ADA2: variants seen among roughly 807,000 people sequenced by gnomAD.
ADA2 encodes adenosine deaminase CECR1.
Under a neutral mutation model 44.2 loss-of-function variants are expected in ADA2, and 29 were observed. The ratio of observed to expected loss-of-function variants is 0.66; its 90% CI spans 0.49 to 0.89. The LOEUF is 0.89. Ranked by LOEUF, ADA2 falls within the 40% of genes least tolerant of loss-of-function variation. The probability of loss-of-function intolerance (pLI) is 0.00; values close to 1 mark genes in which losing one functional copy is unlikely to be tolerated. For missense variants in ADA2, 637 were observed against 644.8 expected (o/e 0.99, Z 0.13); for synonymous variants, 215 against 234.9 (o/e 0.92, Z 0.77).
intron 7 of ADA2, among the ~76,000 whole-genome samples, chr22:17,183,959 T>TTTTTC (rs2062005261): frequency 8.1e-6 from 1 of 124,012 alleles, no homozygotes; most frequent in African/African-American, 3.1e-5. Flanking sequence ...ACCTTTCTTT[T>TTTTTC]TTTTTTTTTT....
At chr22:17,214,004 A>C (rs2062444830) in intron 1 of ADA2, 4 of 360,174 alleles carry the variant, frequency 1.1e-5, no homozygotes, top group Non-Finnish European at 2.1e-5. Context: ...GTTCCATTGC[A>C]CTCCAGCCTG....
intron 1 of ADA2, among the ~76,000 whole-genome samples, chr22:17,216,928 G>A (rs975299058): frequency 6.6e-6 from 1 of 151,734 alleles, no homozygotes; most frequent in African/African-American, 2.4e-5. Flanking sequence ...ACAGAGATAA[G>A]GAACTGAGAG....
rs2061978373 is a variant in ADA2, at chr22:17,182,141, G to A, written c.1240-119C>T. The A allele has an allele frequency of 6.7e-6, 5 of 751,398 alleles. No individual in the cohort carries two copies. In the South Asian group the frequency reaches 8.9e-5, roughly 13 times the overall value. The allele number at this position is 751,398 out of a possible 1,614,324, so 46.5% of individuals were successfully genotyped here. On this transcript the variant is annotated intron_variant, in intron 8 of 9. Transcript: ENST00000399837. The stretch of plus-strand genomic sequence containing the variant: ...TCATCTTCCCATCACTATCTCCCCA[G>A]TATGGGGATGACTTCTGGGCAGAGT...
Position 17,181,982 on chromosome 22 carries a change from G to C in ADA2, c.1280C>G (p.Ala427Gly), listed in dbSNP as rs1357805949. Reference protein sequence around the residue: ...LVSDLRNHPVATLMATGHPMV... With the variant: ...LVSDLRNHPVGTLMATGHPMV... ...GGGGTGCCCAGTGGCCATCAGAGTG[G>C]CTACAGGGTGGTTCCTCAAGTCAGA... is the stretch of plus-strand genomic sequence containing the variant. The change falls in exon 9 of 10, where the codon GCC (alanine) becomes GGC (glycine). Residue 427 changes from alanine (A) to glycine (G), a missense_variant. Transcript: ENST00000399837. The C allele has an allele frequency of 1.9e-6, 3 of 1,613,996 alleles. No individual in the cohort carries two copies. The highest frequency in any genetic ancestry group is 3.3e-5 in the Admixed American group (2 of 59,972).
At chr22:17,203,851 C>T (rs2062321876) in intron 3 of ADA2, 78 bp from the exon 4 acceptor site, 1 of 868,506 alleles carries the variant, frequency 1.2e-6, no homozygotes, top group African/African-American at 1.7e-5. Flanking sequence ...GACTGCTACC[C>T]ACCTTGCATA....
rs185319348 is a variant in ADA2 at position 17,213,027 on chromosome 22, C to T, written c.-46-3304G>A. ...CTGGTCTCAAACTCCTGGGCTCAAG[C>T]GATCCTCCTGCCTCTACCTCCCGAC... On this transcript the variant is annotated intron_variant, in intron 1 of 9. Coordinates refer to ENST00000399837, the MANE Select transcript of ADA2 (RefSeq NM_001282225.2). 3.1e-3 allele frequency among the ~76,000 whole-genome samples: 467 copies of T among 150,674 alleles called. 2 individuals carry two copies. Among genetic ancestry groups the T allele is most frequent in the Non-Finnish European group, 5.6e-3 (380 of 67,686 alleles).
intron 3 of ADA2, among the ~76,000 whole-genome samples, chr22:17,204,851 G>A (rs1209081003): frequency 1.4e-5 from 2 of 147,504 alleles, no homozygotes; most frequent in Non-Finnish European, 3.0e-5. Flanking sequence ...CTGGAGTGCA[G>A]TGTCACAATC....
chr22:17,190,023 A>G lies in ADA2; in HGVS notation c.891T>C (p.Asp297=). The G allele has an allele frequency of 6.2e-7, 1 of 1,613,054 alleles. No individual in the cohort carries two copies. The highest frequency in any genetic ancestry group is 8.5e-7 in the Non-Finnish European group (1 of 1,179,066). The change falls in exon 6 of 10, where the codon GAT becomes GAC. Residue 297 remains aspartate, a synonymous_variant. Coordinates refer to ENST00000399837, the MANE Select transcript of ADA2 (RefSeq NM_001282225.2). ...KIIYSDHRSK[D]VAVIAESIRM... is the part of the protein sequence containing the mutation. Reference sequence around the variant, plus strand: ...GGATGGATTCTGCGATGACAGCCACATCTTTGGATCTGTGAGACAGACAGA... The same window carrying G: ...GGATGGATTCTGCGATGACAGCCACGTCTTTGGATCTGTGAGACAGACAGA...
chr22:17,200,914 G>C (rs1016387952), intron 4 of ADA2, among the ~76,000 whole-genome samples: 1 of 150,796 alleles, frequency 6.6e-6, no homozygotes, highest in East Asian at 1.9e-4. Context: ...AAGGAAAAAG[G>C]TGGGTCAGTC....
chr22:17,191,974 C>T (rs1241291673), intron 4 of ADA2, among the ~76,000 whole-genome samples, 164 bp from the exon 5 acceptor site: 1 of 151,156 alleles, frequency 6.6e-6, no homozygotes, highest in Non-Finnish European at 1.5e-5. Flanking sequence ...CCTGCCCAGC[C>T]ACCCTTGCCC....
intron 4 of ADA2, among the ~76,000 whole-genome samples, chr22:17,195,454 G>A (rs546102905): frequency 2.0e-4 from 30 of 152,150 alleles, no homozygotes; most frequent in East Asian, 5.8e-4. Context: ...GCTTGAACCC[G>A]GGAGTTGGAG....
At chr22:17,206,816 C>G (rs548368614) in intron 3 of ADA2, among the ~76,000 whole-genome samples, 3 of 152,134 alleles carry the variant, frequency 2.0e-5, no homozygotes, top group African/African-American at 7.2e-5. Flanking sequence ...AGCACCACAC[C>G]TGGCTAATTT....
At chr22:17,190,385 G>A (rs921104194) in intron 5 of ADA2, among the ~76,000 whole-genome samples, 33 of 152,312 alleles carry the variant, frequency 2.2e-4, no homozygotes, top group African/African-American at 7.7e-4. Context: ...CGGGGGTGTA[G>A]ACATGGATGC....
At chr22:17,198,473 AT>A (rs1198901286) in intron 4 of ADA2, 1 of 152,242 alleles carries the variant, frequency 6.6e-6, no homozygotes, top group African/African-American at 2.4e-5. Flanking sequence ...CACCAGCAAC[AT>A]GACACAGGGT....
chr22:17,193,032 G>A (rs1318827835), intron 4 of ADA2: 8 of 685,882 alleles, frequency 1.2e-5, no homozygotes, highest in Admixed American at 6.1e-5. Context: ...TATTCACAAC[G>A]GGGTTCATAG....
At chr22:17,212,482 C>T (rs1028805590) in intron 1 of ADA2, among the ~76,000 whole-genome samples, 9 of 152,018 alleles carry the variant, frequency 5.9e-5, no homozygotes, top group African/African-American at 2.2e-4. Flanking sequence ...CTATGTTGCC[C>T]AGGCTGGTCT....
intron 1 of ADA2, chr22:17,209,985 G>A (rs2062401465): frequency 1.0e-5 from 3 of 298,828 alleles, no homozygotes; most frequent in South Asian, 5.1e-5. Context: ...CCGCCTCCTG[G>A]GTTCACACCA....
At chr22:17,195,045 T>C (rs2062172692) in intron 4 of ADA2, among the ~76,000 whole-genome samples, 1 of 152,096 alleles carries the variant, frequency 6.6e-6, no homozygotes. Flanking sequence ...TTCCATTAGT[T>C]TCCCCCATAT....
chr22:17,199,440 T>TTCCCCTCCCACCCCTCCACAATCCACA, intron 4 of ADA2: 1 of 1,027,940 alleles, frequency 9.7e-7, no homozygotes, highest in Non-Finnish European at 1.5e-6. Flanking sequence ...CTCTATCCTC[T>TTCCCCTCCCACCCCTCCACAATCCACA]TCCCCTCCAC....
Sources: gnomAD v4.1 joint callset for allele counts (sites outside exome capture counted in the v4.1 genomes callset) on GRCh38, gnomAD v4.1.1 for gene constraint, MANE v1.5 for transcripts, NCBI Gene and HGNC (gene_info 2026-07-23, HGNC 2026-07-21) for gene names.